KLRF1: variants seen among roughly 807,000 people sequenced by gnomAD.
KLRF1 encodes killer cell lectin like receptor F1, also known as killer cell lectin-like receptor subfamily F member 1.
A neutral mutation model predicts 30.7 loss-of-function variants in KLRF1; 27 were observed. The ratio of observed to expected loss-of-function variants is 0.88; its 90% CI spans 0.65 to 1.21. The LOEUF (loss-of-function observed/expected upper bound fraction) is 1.21. Among genes scored for constraint, KLRF1 ranks in the 50% most tolerant of loss-of-function variants. The pLI is 0.00. For missense variants in KLRF1, 246 were observed against 259.3 expected (o/e 0.95, Z 0.35); for synonymous variants, 92 against 89.3 (o/e 1.03, Z -0.17).
the KLRF1 span, among the ~76,000 whole-genome samples, chr12:9,801,450 T>C: frequency 6.6e-6 from 1 of 152,070 alleles, no homozygotes; most frequent in African/African-American, 2.4e-5. Context: ...TAGAACAAAT[T>C]TACATTCCCA....
At chr12:9,824,267 T>C (rs766366883), upstream of KLRF1, among the ~76,000 whole-genome samples, 13 of 152,256 alleles carry the variant, frequency 8.5e-5, no homozygotes, top group South Asian at 2.7e-3. Context: ...AAGAGCTAAT[T>C]CACCATGATC....
intron 3 of KLRF1, among the ~76,000 whole-genome samples, chr12:9,839,702 A>T (rs1188137181): frequency 3.3e-5 from 5 of 152,128 alleles, no homozygotes; most frequent in South Asian, 2.1e-4. Context: ...GGATGGCTAT[A>T]ATCACACAAA....
intron 3 of KLRF1, among the ~76,000 whole-genome samples, chr12:9,840,966 C>T (rs761429096): frequency 8.5e-5 from 13 of 152,054 alleles, no homozygotes; most frequent in Admixed American, 5.2e-4. Context: ...CCCAAAGGAA[C>T]GTAAATCATT....
chr12:9,808,616 T>C, the KLRF1 span, among the ~76,000 whole-genome samples: 1 of 152,192 alleles, frequency 6.6e-6, no homozygotes, highest in Non-Finnish European at 1.5e-5. Flanking sequence ...TTTCTCCATG[T>C]ACCACAGAAT....
At chr12:9,812,577 A>G in the KLRF1 span, among the ~76,000 whole-genome samples, 1 of 152,030 alleles carries the variant, frequency 6.6e-6, no homozygotes, top group East Asian at 1.9e-4. Context: ...GGGAAGGAAA[A>G]CTTATGGCAA....
intron 3 of KLRF1, among the ~76,000 whole-genome samples, chr12:9,838,055 A>C (rs1326012853): frequency 6.6e-6 from 1 of 152,156 alleles, no homozygotes; most frequent in Non-Finnish European, 1.5e-5. Context: ...AAACAATTAC[A>C]ATACTTACTA....
the KLRF1 span, among the ~76,000 whole-genome samples, chr12:9,812,465 G>A: frequency 2.0e-5 from 3 of 152,070 alleles, no homozygotes; most frequent in African/African-American, 7.2e-5. Context: ...CTGGGGAGAA[G>A]GTTGTCCGCT....
chr12:9,834,418 G>A (rs993550138), intron 3 of KLRF1, among the ~76,000 whole-genome samples: 16 of 152,102 alleles, frequency 1.1e-4, no homozygotes, highest in African/African-American at 3.6e-4. Flanking sequence ...AAATTTGGGT[G>A]CGGGGGGTAG....
rs780236851 is a variant in KLRF1, at chr12:9,834,551, G to A, written c.334+1099G>A. 5.3e-5 allele frequency among the ~76,000 whole-genome samples: 8 copies of A among 152,114 alleles called. No individual in the cohort carries two copies. In the South Asian group the frequency reaches 1.5e-3, roughly 28 times the overall value. ...TTTTGTGGTAAGGGGTGATATTGTGGGGTTGTTGGAAGGAGCATTTGTTGT... is the reference window on the plus strand; with the variant it reads ...TTTTGTGGTAAGGGGTGATATTGTGAGGTTGTTGGAAGGAGCATTTGTTGT... On this transcript the variant is annotated intron_variant, in intron 3 of 5. Coordinates refer to ENST00000617889, the MANE Select transcript of KLRF1 (RefSeq NM_016523.3).
At chr12:9,834,770 C>A (rs913045123) in intron 3 of KLRF1, among the ~76,000 whole-genome samples, 1 of 152,018 alleles carries the variant, frequency 6.6e-6, no homozygotes, top group Non-Finnish European at 1.5e-5. Flanking sequence ...AGTTTTTGGA[C>A]CCTATCCTTG....
upstream of KLRF1, chr12:9,827,442 A>G: frequency 1.7e-6 from 1 of 586,520 alleles, no homozygotes; most frequent in Non-Finnish European, 3.0e-6. Context: ...CAATTTGAGG[A>G]GCATCTCTGA....
chr12:9,842,522 A>G lies in KLRF1; in HGVS notation c.587+89A>G. Reference sequence around the variant, plus strand: ...CACCAAATTCAACTCTGAAATAGTTACTGGTACTACAGAATTCAAAAGAAT... The same window carrying G: ...CACCAAATTCAACTCTGAAATAGTTGCTGGTACTACAGAATTCAAAAGAAT... On this transcript the variant is annotated intron_variant, in intron 5 of 5. Transcript: ENST00000617889. 9 of 1,131,822 alleles carry G rather than the reference A, an allele frequency of 8.0e-6. No individual in the cohort carries two copies. In the South Asian group the frequency reaches 1.1e-4, roughly 13 times the overall value. 70.1% of individuals were successfully genotyped at this position (1,131,822 alleles called of 1,614,324 possible).
At chr12:9,842,274 G>T in intron 4 of KLRF1, 47 bp from the exon 5 acceptor site, 1 of 1,600,924 alleles carries the variant, frequency 6.2e-7, no homozygotes, top group South Asian at 1.1e-5. Context: ...CAGTGTGTCT[G>T]AATTGCTAAA....
At chr12:9,833,520 G>A (rs1867495721) in intron 3 of KLRF1, 68 bp downstream of exon 3, 1 of 1,350,606 alleles carries the variant, frequency 7.4e-7, no homozygotes, top group Admixed American at 2.7e-5. Flanking sequence ...AAGTATTTTT[G>A]AACAGGTATG....
the KLRF1 span, among the ~76,000 whole-genome samples, chr12:9,805,281 G>C: frequency 6.6e-6 from 1 of 151,836 alleles, no homozygotes; most frequent in Admixed American, 6.6e-5. Flanking sequence ...GTCCAGTAAA[G>C]GCCTGGTCTC....
intron 5 of KLRF1, among the ~76,000 whole-genome samples, chr12:9,843,104 G>T (rs992820608): frequency 1.3e-5 from 2 of 152,158 alleles, no homozygotes; most frequent in Admixed American, 6.6e-5. Context: ...TGGATTATCT[G>T]GGTGGCCCCA....
intron 1 of KLRF1, among the ~76,000 whole-genome samples, chr12:9,829,500 C>G (rs1179019062): frequency 6.6e-6 from 1 of 152,086 alleles, no homozygotes; most frequent in Non-Finnish European, 1.5e-5. Flanking sequence ...TGCCATTAAT[C>G]CCAGCACTTT....
At chr12:9,843,642 T>C (rs926695585) in intron 5 of KLRF1, among the ~76,000 whole-genome samples, 4 of 152,160 alleles carry the variant, frequency 2.6e-5, no homozygotes, top group African/African-American at 9.7e-5. Flanking sequence ...TCCAAATCCA[T>C]TCATCACTAC....
At chr12:9,828,592 ACTGT>A (rs1367681295) in intron 1 of KLRF1, among the ~76,000 whole-genome samples, 1 of 152,174 alleles carries the variant, frequency 6.6e-6, no homozygotes, top group Non-Finnish European at 1.5e-5. Context: ...AGTTATAGAG[ACTGT>A]CTGTTCTGTT....
Sources: gnomAD v4.1 joint callset for allele counts (sites outside exome capture counted in the v4.1 genomes callset) on GRCh38, gnomAD v4.1.1 for gene constraint, MANE v1.5 for transcripts, NCBI Gene and HGNC (gene_info 2026-07-23, HGNC 2026-07-21) for gene names.